PRKCB: variants seen among roughly 807,000 people sequenced by gnomAD.
The protein encoded by PRKCB is protein kinase C beta.
A neutral mutation model predicts 81.5 loss-of-function variants in PRKCB; 13 were observed. That is an observed-to-expected ratio of 0.16 (90% CI 0.10 to 0.25). The LOEUF (loss-of-function observed/expected upper bound fraction) is 0.25, where lower values mean the gene tolerates loss of function less well. Ranked by LOEUF, PRKCB falls within the 10% of genes least tolerant of loss-of-function variation. The probability of loss-of-function intolerance (pLI) is 1.00; values close to 1 mark genes in which losing one functional copy is unlikely to be tolerated. For missense variants in PRKCB, 509 were observed against 875.7 expected, an observed-to-expected ratio of 0.58 and a Z score of 5.29; for synonymous variants, 335 against 321.4, an observed-to-expected ratio of 1.04 and a Z score of -0.45.
At chr16:23,902,838 C>G (rs1413157021) in intron 2 of PRKCB, among the ~76,000 whole-genome samples, 1 of 140,596 alleles carries the variant, frequency 7.1e-6, no homozygotes, top group Non-Finnish European at 1.5e-5. Context: ...GGGTCTCACT[C>G]TGTCACCCAG....
At chr16:23,959,536 C>T (rs955154075) in intron 2 of PRKCB, among the ~76,000 whole-genome samples, 2 of 152,198 alleles carry the variant, frequency 1.3e-5, no homozygotes, top group African/African-American at 4.8e-5. Flanking sequence ...GAGGCAGCGC[C>T]TCGCAGGAAA....
intron 2 of PRKCB, among the ~76,000 whole-genome samples, chr16:23,879,929 G>C (rs1189625014): frequency 1.3e-5 from 2 of 152,148 alleles, no homozygotes; most frequent in South Asian, 2.1e-4. Context: ...TAACCTCTCT[G>C]TGCCTCAGTT....
At chr16:24,134,610 G>A (rs1393293368) in intron 9 of PRKCB, among the ~76,000 whole-genome samples, 1 of 152,156 alleles carries the variant, frequency 6.6e-6, no homozygotes, top group Admixed American at 6.5e-5. Context: ...TTAGCCGGGC[G>A]TGGTGGCGCA....
At chr16:23,981,163 G>A (rs1326198124) in intron 2 of PRKCB, among the ~76,000 whole-genome samples, 2 of 152,084 alleles carry the variant, frequency 1.3e-5, no homozygotes, top group African/African-American at 4.8e-5. Flanking sequence ...GGCTGAAATC[G>A]AGGTGTCAGC....
At chr16:24,013,187 G>C (rs1026837226) in intron 3 of PRKCB, among the ~76,000 whole-genome samples, 1 of 152,070 alleles carries the variant, frequency 6.6e-6, no homozygotes, top group African/African-American at 2.4e-5. Flanking sequence ...CCAATATTTT[G>C]TACTCAGCAC....
chr16:23,944,821 T>C (rs1185300250), intron 2 of PRKCB, among the ~76,000 whole-genome samples: 5 of 152,252 alleles, frequency 3.3e-5, no homozygotes, highest in Non-Finnish European at 7.3e-5. Context: ...AAAAGCTGAT[T>C]TGCTGAATTT....
At chr16:24,005,651 G>A (rs1225374834) in intron 3 of PRKCB, among the ~76,000 whole-genome samples, 1 of 152,190 alleles carries the variant, frequency 6.6e-6, no homozygotes, top group Non-Finnish European at 1.5e-5. Flanking sequence ...CCTCTGATAA[G>A]TCTTGACTTC....
intron 2 of PRKCB, among the ~76,000 whole-genome samples, chr16:23,930,376 C>T (rs1373053122): frequency 6.6e-6 from 1 of 152,026 alleles, no homozygotes; most frequent in East Asian, 1.9e-4. Flanking sequence ...CGAAACCAGC[C>T]TGGGCAACAT....
intron 5 of PRKCB, among the ~76,000 whole-genome samples, chr16:24,049,552 C>T (rs1965815106): frequency 1.3e-5 from 2 of 151,802 alleles, no homozygotes; most frequent in South Asian, 4.2e-4. Context: ...TACCCTGGCA[C>T]ATCTGGGACA....
chr16:23,863,349 T>C (rs1962717023), intron 2 of PRKCB, among the ~76,000 whole-genome samples: 1 of 151,722 alleles, frequency 6.6e-6, no homozygotes, highest in African/African-American at 2.4e-5. Flanking sequence ...ACTCTGTCTA[T>C]GGAGTAACTG....
chr16:24,198,309 C>G (rs1282440151), intron 16 of PRKCB, among the ~76,000 whole-genome samples: 2 of 152,198 alleles, frequency 1.3e-5, no homozygotes, highest in African/African-American at 4.8e-5. Context: ...TCCTGTCACT[C>G]TTCCTCTGAA....
At position 24,179,730 on chromosome 16, in the gene PRKCB, C is replaced by A. The variant is rs914311432; in HGVS notation, c.1395-1060C>A. On this transcript the variant is annotated intron_variant, in intron 12 of 16. Coordinates refer to ENST00000643927, the MANE Select transcript of PRKCB (RefSeq NM_002738.7). ...TAGACAGGTCTTTTCTGACTGACAC[C>A]CTGCTTAAAGTGACTTCCTCCAATC... is the stretch of plus-strand genomic sequence containing the variant. Among the ~76,000 whole-genome samples, 6 of 152,190 alleles carry A rather than the reference C, an allele frequency of 3.9e-5. No homozygotes were observed. The South Asian group carries it at 1.2e-3, about 32-fold the overall frequency.
chr16:23,995,437 A>G (rs1258644245), intron 3 of PRKCB, among the ~76,000 whole-genome samples: 1 of 152,176 alleles, frequency 6.6e-6, no homozygotes, highest in Non-Finnish European at 1.5e-5. Context: ...AGGTGAATTG[A>G]AGCACAAGTA....
chr16:24,080,302 G>A (rs1966232569), intron 5 of PRKCB, among the ~76,000 whole-genome samples: 2 of 152,096 alleles, frequency 1.3e-5, no homozygotes, highest in African/African-American at 4.8e-5. Flanking sequence ...GTAATTCTAT[G>A]GCACACTTAT....
At chr16:24,170,181 T>C (rs754462994) in intron 10 of PRKCB, among the ~76,000 whole-genome samples, 4 of 152,168 alleles carry the variant, frequency 2.6e-5, no homozygotes, top group African/African-American at 4.8e-5. Context: ...GGAATTTTTG[T>C]TGGTTTTGTT....
chr16:24,009,315 A>G (rs1324329423), intron 3 of PRKCB, among the ~76,000 whole-genome samples: 3 of 152,218 alleles, frequency 2.0e-5, no homozygotes, highest in African/African-American at 7.2e-5. Context: ...AGGAAGACAT[A>G]CAAATGACCA....
At chr16:24,028,581 T>C (rs1965512393) in intron 3 of PRKCB, among the ~76,000 whole-genome samples, 2 of 152,246 alleles carry the variant, frequency 1.3e-5, no homozygotes, top group African/African-American at 4.8e-5. Context: ...GAAATGAACC[T>C]ACACTTGTGT....
intron 10 of PRKCB, among the ~76,000 whole-genome samples, chr16:24,157,254 C>T (rs2141955476): frequency 6.6e-6 from 1 of 152,212 alleles, no homozygotes; most frequent in Middle Eastern, 3.4e-3. Context: ...GGGTTTGGGT[C>T]TTGCATGGTG....
At chr16:23,965,477 A>G (rs1337258399) in intron 2 of PRKCB, among the ~76,000 whole-genome samples, 8 of 152,224 alleles carry the variant, frequency 5.3e-5, no homozygotes, top group Non-Finnish European at 7.3e-5. Context: ...CACATAATAG[A>G]CATTCAGGAC....
Sources: allele counts gnomAD v4.1 joint callset (sites outside exome capture counted in the v4.1 genomes callset), GRCh38; gene constraint gnomAD v4.1.1; transcripts MANE v1.5; gene names NCBI Gene and HGNC (gene_info 2026-07-23, HGNC 2026-07-21).